The following GPRIN3 variants were observed in gnomAD, a reference collection of about 807,000 sequenced individuals.
The protein encoded by GPRIN3 is G protein-regulated inducer of neurite outgrowth 3.
Under a neutral mutation model 13.7 loss-of-function variants are expected in GPRIN3, and 12 were observed. The observed-to-expected ratio is 0.87, with a 90% CI of 0.56 to 1.42. The LOEUF (loss-of-function observed/expected upper bound fraction) is 1.42. Among genes scored for constraint, GPRIN3 ranks in the 40% most tolerant of loss-of-function variants. The pLI, the probability that GPRIN3 is intolerant of heterozygous loss-of-function variation, is 0.00. For missense variants in GPRIN3, 1,009 were observed against 958.7 expected (o/e 1.05, Z -0.69); for synonymous variants, 377 against 372.7 (o/e 1.01, Z -0.13).
intron 1 of GPRIN3, among the ~76,000 whole-genome samples, chr4:89,302,402 G>T (rs966269865): frequency 2.0e-5 from 3 of 152,116 alleles, no homozygotes; most frequent in Non-Finnish European, 4.4e-5. Context: ...TAAAGGCAAT[G>T]GTTTCCAAAT....
chr4:89,301,680 C>T (rs558858164), intron 1 of GPRIN3, among the ~76,000 whole-genome samples: 2 of 152,274 alleles, frequency 1.3e-5, no homozygotes, highest in East Asian at 3.9e-4. Context: ...TCTGATTATT[C>T]TTCATAAACC....
chr4:89,300,874 T>C (rs1724877961), intron 1 of GPRIN3, among the ~76,000 whole-genome samples: 1 of 152,242 alleles, frequency 6.6e-6, no homozygotes, highest in African/African-American at 2.4e-5. Flanking sequence ...TTACTAACTT[T>C]AGCTCTGACT....
chr4:89,278,666 T>G (rs1453154187), intron 1 of GPRIN3, among the ~76,000 whole-genome samples: 1 of 152,216 alleles, frequency 6.6e-6, no homozygotes, highest in Non-Finnish European at 1.5e-5. Flanking sequence ...GACTCATTAA[T>G]GTCTAGATTA....
At chr4:89,252,188 G>A (rs1012248537) in intron 1 of GPRIN3, among the ~76,000 whole-genome samples, 1 of 152,070 alleles carries the variant, frequency 6.6e-6, no homozygotes, top group Non-Finnish European at 1.5e-5. Context: ...GCCCAGGGTA[G>A]TCTTGAACTC....
In GPRIN3 at chr4:89,290,619, C is replaced by T. The variant is rs185872886; in HGVS notation, c.-124+16996G>A. On this transcript the variant is annotated intron_variant, in intron 1 of 1. Coordinates refer to ENST00000609438, the MANE Select transcript of GPRIN3 (RefSeq NM_198281.3). ...CAACAGCCATAGTACAGTGAGGAAACGTCGATTATAGGATTTACCATAATC... is the reference window on the plus strand; with the variant it reads ...CAACAGCCATAGTACAGTGAGGAAATGTCGATTATAGGATTTACCATAATC... Among the ~76,000 whole-genome samples the T allele has an allele frequency of 2.0e-5, 3 of 152,154 alleles. No individual in the cohort carries two copies. In the East Asian group the frequency reaches 5.8e-4, roughly 30 times the overall value.
intron 1 of GPRIN3, among the ~76,000 whole-genome samples, chr4:89,273,995 G>C (rs1335127065): frequency 6.6e-6 from 1 of 152,210 alleles, no homozygotes; most frequent in Non-Finnish European, 1.5e-5. Context: ...TCCTCAAGAA[G>C]CGTATTATGA....
At chr4:89,269,625 A>T (rs1455325924) in intron 1 of GPRIN3, among the ~76,000 whole-genome samples, 1 of 152,220 alleles carries the variant, frequency 6.6e-6, no homozygotes, top group South Asian at 2.1e-4. Flanking sequence ...TGCTTGGATT[A>T]AGGTTAAGAT....
rs936250180 is a variant in GPRIN3 at position 89,236,528 on chromosome 4, T to C, written c.*11252A>G. 2 of 152,200 alleles carry C rather than the reference T, an allele frequency of 1.3e-5. No individual in the cohort carries two copies. Among genetic ancestry groups the C allele is most frequent in the East Asian group, 1.9e-4 (1 of 5,196 alleles). 9.4% of individuals were successfully genotyped at this position (152,200 alleles called of 1,614,324 possible). On this transcript the variant is annotated 3_prime_UTR_variant, in exon 2 of 2. Transcript: ENST00000609438. ...GAAGAAAAGAACAATATTTTGCCTA[T>C]GCCATTTAATTCCCACAAATTTGCA... is the stretch of plus-strand genomic sequence containing the variant.
At chr4:89,270,168 G>T (rs980068734) in intron 1 of GPRIN3, among the ~76,000 whole-genome samples, 2 of 152,000 alleles carry the variant, frequency 1.3e-5, no homozygotes, top group Non-Finnish European at 2.9e-5. Context: ...AGGGCAAAAG[G>T]AACAGGAGAA....
intron 1 of GPRIN3, among the ~76,000 whole-genome samples, chr4:89,295,862 T>G (rs1179970670): frequency 3.2e-4 from 48 of 152,314 alleles, no homozygotes; most frequent in Admixed American, 3.0e-3. Context: ...TCAATATTTT[T>G]CATTAAATTG....
chr4:89,251,680 A>G (rs1359073874), intron 1 of GPRIN3, among the ~76,000 whole-genome samples: 1 of 152,250 alleles, frequency 6.6e-6, no homozygotes, highest in African/African-American at 2.4e-5. Flanking sequence ...TTGAATGAGA[A>G]AAACAAGGTC....
intron 1 of GPRIN3, among the ~76,000 whole-genome samples, chr4:89,276,700 C>A (rs544597168): frequency 2.0e-4 from 30 of 152,310 alleles, no homozygotes; most frequent in Non-Finnish European, 4.1e-4. Context: ...GGCCTATTAG[C>A]ACAGTACAGT....
intron 1 of GPRIN3, among the ~76,000 whole-genome samples, chr4:89,274,451 A>G (rs929655094): frequency 1.3e-5 from 2 of 152,116 alleles, no homozygotes; most frequent in Non-Finnish European, 2.9e-5. Flanking sequence ...TTATAATTGT[A>G]CTAAAAGATA....
intron 1 of GPRIN3, among the ~76,000 whole-genome samples, chr4:89,259,438 A>G (rs1442163809): frequency 6.6e-6 from 1 of 152,240 alleles, no homozygotes; most frequent in Non-Finnish European, 1.5e-5. Flanking sequence ...AGAGAATGCA[A>G]CAGGATCTCA....
At chr4:89,293,337 G>C (rs925571401) in intron 1 of GPRIN3, among the ~76,000 whole-genome samples, 4 of 152,180 alleles carry the variant, frequency 2.6e-5, no homozygotes, top group African/African-American at 9.7e-5. Context: ...TTCCTAAATC[G>C]TTCTTCATTC....
intron 1 of GPRIN3, among the ~76,000 whole-genome samples, chr4:89,273,559 C>T (rs1578096226): frequency 1.3e-5 from 2 of 152,220 alleles, no homozygotes; most frequent in South Asian, 4.1e-4. Flanking sequence ...TGGTGATGGG[C>T]ACCTGTAATC....
Position 89,248,108 on chromosome 4 carries a change from C to T in GPRIN3, c.2003G>A (p.Gly668Asp), listed in dbSNP as rs770689532. Residue 668 changes from glycine to aspartate, a missense_variant, in exon 2 of 2, where the codon GGC (glycine) becomes GAC (aspartate). Coordinates refer to ENST00000609438, the MANE Select transcript of GPRIN3 (RefSeq NM_198281.3). ...TTTCAGCTGGAGCTTGGAGTCTGCGCCAAGCTGCTTTTTCTTATCTCCTGG... is the reference window on the plus strand; with the variant it reads ...TTTCAGCTGGAGCTTGGAGTCTGCGTCAAGCTGCTTTTTCTTATCTCCTGG... ...LTPGDKKKQL[G>D]ADSKLQLKQS... is the part of the protein sequence containing the mutation. 2.0e-5 allele frequency: 33 copies of T among 1,614,064 alleles called. No homozygotes were observed. Among genetic ancestry groups the T allele is most frequent in the Non-Finnish European group, 2.8e-5 (33 of 1,180,024 alleles).
chr4:89,248,461 C>G lies in GPRIN3; in HGVS notation c.1650G>C (p.Glu550Asp). Residue 550 changes from glutamate (E) to aspartate (D), a missense_variant, in exon 2 of 2, where the codon GAG (glutamate) becomes GAC (aspartate). By Grantham distance (45) the Glu-to-Asp change is conservative. Transcript: ENST00000609438. The stretch of plus-strand genomic sequence containing the variant: ...CATCCGAGGTATCAGTGCCAGTAGA[C>G]TCTTTTTCTTTTACTACCTGAGGAG... ...PASPQVVKEK[E>D]STGTDTSDAK... The G allele has an allele frequency of 3.7e-6, 6 of 1,613,030 alleles. No homozygotes were observed. Among genetic ancestry groups the G allele is most frequent in the Non-Finnish European group, 5.1e-6 (6 of 1,179,630 alleles).
intron 1 of GPRIN3, among the ~76,000 whole-genome samples, chr4:89,276,238 T>C (rs759802413): frequency 2.6e-5 from 4 of 152,244 alleles, no homozygotes; most frequent in Non-Finnish European, 4.4e-5. Context: ...TTATTTTATA[T>C]AATTTTTACT....
Sources: allele counts gnomAD v4.1 joint callset (sites outside exome capture counted in the v4.1 genomes callset), GRCh38; gene constraint gnomAD v4.1.1; transcripts MANE v1.5; gene names NCBI Gene and HGNC (gene_info 2026-07-23, HGNC 2026-07-21).